Variants in PFKFB3 observed in about 807,000 individuals in gnomAD.
PFKFB3 encodes the protein 6-phosphofructo-2-kinase/fructose-2,6-biphosphatase 3.
In PFKFB3, 33 loss-of-function variants were observed where a neutral mutation model predicts 68.0. The ratio of observed to expected loss-of-function variants is 0.49; its 90% confidence interval spans 0.37 to 0.65. PFKFB3 has a LOEUF of 0.65. PFKFB3 is among the 30% of genes least tolerant of loss of function. The probability of loss-of-function intolerance (pLI) is 0.00; values close to 1 mark genes in which losing one functional copy is unlikely to be tolerated. For missense variants in PFKFB3, 586 were observed against 712.2 expected, an observed-to-expected ratio of 0.82 and a Z score of 2.02; for synonymous variants, 315 against 288.2, an observed-to-expected ratio of 1.09 and a Z score of -0.94.
At chr10:6,219,400 G>A in intron 6 of PFKFB3, 169 bp from the exon 7 acceptor site, 1 of 652,684 alleles carries the variant, frequency 1.5e-6, no homozygotes, top group Non-Finnish European at 2.7e-6. Flanking sequence ...GTAACATCAG[G>A]CTGTGACTCA....
At chr10:6,259,091 C>T (rs1434819395), downstream of PFKFB3, among the ~76,000 whole-genome samples, 4 of 152,044 alleles carry the variant, frequency 2.6e-5, no homozygotes, top group Non-Finnish European at 5.9e-5. Flanking sequence ...CACTCATCCA[C>T]CCACCCATGC....
chr10:6,242,568 G>A (rs1043744594), intron 14 of PFKFB3, among the ~76,000 whole-genome samples: 3 of 149,632 alleles, frequency 2.0e-5, no homozygotes, highest in Non-Finnish European at 2.9e-5. Context: ...CCACCGTAGT[G>A]CCCTGAAGCA....
chr10:6,241,826 A>T (rs4747960), intron 14 of PFKFB3, among the ~76,000 whole-genome samples: 59,351 of 149,622 alleles, frequency 0.4, 12,144 homozygotes, highest in Middle Eastern at 0.48. Flanking sequence ...TCTTTTTTTT[A>T]ATTTTTTTTT....
chr10:6,166,151 T>G (rs1295686643), intron 1 of PFKFB3, among the ~76,000 whole-genome samples: 1 of 152,106 alleles, frequency 6.6e-6, no homozygotes, highest in Admixed American at 6.6e-5. Flanking sequence ...CAGCTAATTT[T>G]TGTGATTTTT....
intron 14 of PFKFB3, among the ~76,000 whole-genome samples, chr10:6,248,355 T>C (rs933474539): frequency 6.6e-6 from 1 of 152,126 alleles, no homozygotes; most frequent in African/African-American, 2.4e-5. Flanking sequence ...TAAAAAATGT[T>C]CAAGGATGCC....
chr10:6,211,733 T>C (rs1844242878), intron 1 of PFKFB3, among the ~76,000 whole-genome samples: 1 of 152,240 alleles, frequency 6.6e-6, no homozygotes, highest in Admixed American at 6.5e-5. Context: ...CTGTTTGTTC[T>C]AGGTCACTGG....
At position 6,233,288 on chromosome 10, in the gene PFKFB3, T is replaced by G; in HGVS notation, c.*346T>G. ...GGCCGCTGGGGACACTGTGCTGTTTTGTTTCGTTTCTGTGATCTCCCGGCA... is the reference window on the plus strand; with the variant it reads ...GGCCGCTGGGGACACTGTGCTGTTTGGTTTCGTTTCTGTGATCTCCCGGCA... On this transcript the variant is annotated 3_prime_UTR_variant, in exon 15 of 15. Coordinates refer to ENST00000379775, the MANE Select transcript of PFKFB3 (RefSeq NM_004566.4). 2 of 236,746 alleles carry G rather than the reference T, an allele frequency of 8.4e-6. No homozygotes were observed. The highest frequency in any genetic ancestry group is 8.1e-6 in the Non-Finnish European group (1 of 122,854). 14.7% of individuals were successfully genotyped at this position (236,746 alleles called of 1,614,324 possible).
At chr10:6,155,864 T>A (rs1392193006) in intron 1 of PFKFB3, among the ~76,000 whole-genome samples, 1 of 152,192 alleles carries the variant, frequency 6.6e-6, no homozygotes, top group Admixed American at 6.5e-5. Context: ...AAAGAAAGAA[T>A]AAGAAAGTAG....
chr10:6,193,907 C>A (rs1843098860), intron 1 of PFKFB3, among the ~76,000 whole-genome samples: 1 of 152,226 alleles, frequency 6.6e-6, no homozygotes, highest in Non-Finnish European at 1.5e-5. Context: ...GGTGGAATAT[C>A]ATCAGTTAAG....
chr10:6,307,325 C>A, the PFKFB3 span, among the ~76,000 whole-genome samples: 3 of 99,540 alleles, frequency 3.0e-5, no homozygotes, highest in East Asian at 9.6e-4. Context: ...CACATGCATG[C>A]GTACTACACA....
chr10:6,223,414 G>A (rs1845098419), intron 11 of PFKFB3, among the ~76,000 whole-genome samples: 1 of 152,142 alleles, frequency 6.6e-6, no homozygotes, highest in African/African-American at 2.4e-5. Context: ...AAATTGTTTG[G>A]GAGTGACTTT....
At chr10:6,306,701 G>A in the PFKFB3 span, among the ~76,000 whole-genome samples, 1 of 152,132 alleles carries the variant, frequency 6.6e-6, no homozygotes, top group African/African-American at 2.4e-5. Context: ...TATTCATCAC[G>A]ACTTCCCCCA....
chr10:6,324,177 A>G, the PFKFB3 span, among the ~76,000 whole-genome samples: 3 of 152,214 alleles, frequency 2.0e-5, no homozygotes, highest in Non-Finnish European at 4.4e-5. Context: ...ACGAACCTTG[A>G]TGACATGACG....
intron 1 of PFKFB3, among the ~76,000 whole-genome samples, chr10:6,161,562 A>T (rs1421982002): frequency 8.0e-6 from 1 of 125,412 alleles, no homozygotes; most frequent in African/African-American, 2.7e-5. Flanking sequence ...ATATACACAC[A>T]TATGTATATA....
intron 13 of PFKFB3, 144 bp from the exon 14 acceptor site, chr10:6,226,048 C>A: frequency 1.5e-6 from 1 of 679,102 alleles, no homozygotes; most frequent in Non-Finnish European, 2.5e-6. Context: ...AGCCCATGGT[C>A]CCTGGCCCGT....
At position 6,145,346 on chromosome 10, in the gene PFKFB3, G is replaced by A. The variant is rs538566411; in HGVS notation, c.16+333G>A. ...CGTCTCCTCTGCAGCCCCGCATTGT[G>A]CCTCCAGACCCGCGCTACCTCCTCC... On this transcript the variant is annotated intron_variant, in intron 1 of 14. Coordinates refer to the PFKFB3 transcript ENST00000379789. 2.6e-5 allele frequency among the ~76,000 whole-genome samples: 4 copies of A among 151,602 alleles called. No homozygotes were observed. The South Asian group carries it at 8.3e-4, about 32-fold the overall frequency.
chr10:6,179,014 C>A (rs80345535), intron 1 of PFKFB3, among the ~76,000 whole-genome samples: 1 of 152,238 alleles, frequency 6.6e-6, no homozygotes, highest in Non-Finnish European at 1.5e-5. Flanking sequence ...AGTACTATCT[C>A]CCTGGTGGAG....
At chr10:6,202,737 G>A (rs1843413710), upstream of PFKFB3, 9 of 288,982 alleles carry the variant, frequency 3.1e-5, no homozygotes, top group Non-Finnish European at 4.8e-5. Flanking sequence ...CCAGGCCCGG[G>A]GCAGGGCGGC....
At chr10:6,254,942 C>T (rs778464959), downstream of PFKFB3, among the ~76,000 whole-genome samples, 16 of 148,462 alleles carry the variant, frequency 1.1e-4, no homozygotes, top group South Asian at 2.1e-4. Context: ...CTCAGCCTCC[C>T]GCGTAGCTGG....
Sources: gnomAD v4.1 joint callset for allele counts (sites outside exome capture counted in the v4.1 genomes callset) on GRCh38, gnomAD v4.1.1 for gene constraint, MANE v1.5 for transcripts, NCBI Gene and HGNC (gene_info 2026-07-23, HGNC 2026-07-21) for gene names.